The following TNFRSF10B variants were observed in gnomAD, a reference collection of about 807,000 sequenced individuals.
The protein encoded by TNFRSF10B is TNF receptor superfamily member 10b.
TNFRSF10B carries 35 observed loss-of-function variants against 41.4 expected under a neutral mutation model. That is an observed-to-expected ratio of 0.85 (90% CI 0.65 to 1.12). The LOEUF is 1.12. Ranked by LOEUF, TNFRSF10B falls within the 50% of genes most tolerant of loss-of-function variation. The probability of loss-of-function intolerance (pLI) is 0.00; values close to 1 mark genes in which losing one functional copy is unlikely to be tolerated. For synonymous variants in TNFRSF10B, 230 were observed against 215.5 expected (o/e 1.07, Z -0.59); for missense variants, 584 against 552.7 (o/e 1.06, Z -0.57).
At chr8:23,049,673 T>C (rs1168721475) in intron 1 of TNFRSF10B, 8 of 152,256 alleles carry the variant, frequency 5.3e-5, no homozygotes, top group Non-Finnish European at 1.5e-5. Context: ...TTTGAGTTGG[T>C]CTGGTGATAA....
intron 1 of TNFRSF10B, among the ~76,000 whole-genome samples, chr8:23,066,378 T>C (rs949227918): frequency 3.3e-5 from 5 of 152,094 alleles, no homozygotes; most frequent in African/African-American, 9.7e-5. Flanking sequence ...ATATCTGATA[T>C]ACAGTAGATG....
rs201140104 is a variant in TNFRSF10B at position 23,030,750 on chromosome 8, G to A, written c.364+9C>T. On this transcript the variant is annotated intron_variant, in intron 3 of 8. Coordinates refer to ENST00000276431, the MANE Select transcript of TNFRSF10B (RefSeq NM_003842.5). Reference sequence around the variant, plus strand: ...CCACCTTTAGGCATGGGGTCCATATGTTCTGTACCTGAATCACACCTGGTG... The same window carrying A: ...CCACCTTTAGGCATGGGGTCCATATATTCTGTACCTGAATCACACCTGGTG... The A allele has an allele frequency of 8.7e-5, 140 of 1,605,772 alleles. 1 individual carries two copies. In the African/African-American group the frequency reaches 1.6e-3, roughly 18 times the overall value.
At chr8:23,051,057 GA>G (rs1222147960) in intron 1 of TNFRSF10B, among the ~76,000 whole-genome samples, 1 of 152,224 alleles carries the variant, frequency 6.6e-6, no homozygotes, top group Non-Finnish European at 1.5e-5. Context: ...CTAGGCAGTA[GA>G]GGGAGACTGA....
At chr8:23,049,117 G>C (rs187095581) in intron 1 of TNFRSF10B, among the ~76,000 whole-genome samples, 1 of 152,128 alleles carries the variant, frequency 6.6e-6, no homozygotes, top group Non-Finnish European at 1.5e-5. Flanking sequence ...CTGTTGGTGG[G>C]AATGTAAAAC....
chr8:23,045,537 A>T (rs988956242), intron 1 of TNFRSF10B, among the ~76,000 whole-genome samples: 4 of 152,196 alleles, frequency 2.6e-5, no homozygotes, highest in African/African-American at 9.7e-5. Flanking sequence ...ATCCTTTCTA[A>T]ACTTTCCCAA....
intron 1 of TNFRSF10B, among the ~76,000 whole-genome samples, chr8:23,044,622 G>C (rs552264982): frequency 1.4e-4 from 22 of 152,178 alleles, no homozygotes; most frequent in African/African-American, 5.1e-4. Context: ...CCAAATGTAT[G>C]GGATGCAGCA....
intron 2 of TNFRSF10B, among the ~76,000 whole-genome samples, chr8:23,035,425 A>G (rs917642480): frequency 6.6e-5 from 10 of 152,178 alleles, no homozygotes; most frequent in African/African-American, 2.2e-4. Context: ...TACAGGCGCG[A>G]GCCACCACAT....
chr8:23,041,560 T>C (rs946164317), intron 2 of TNFRSF10B, among the ~76,000 whole-genome samples: 1 of 148,662 alleles, frequency 6.7e-6, no homozygotes, highest in African/African-American at 2.5e-5. Flanking sequence ...TCAATCAATG[T>C]ATAATTTCCC....
chr8:23,063,769 A>G (rs764947311), intron 1 of TNFRSF10B, among the ~76,000 whole-genome samples: 67 of 152,174 alleles, frequency 4.4e-4, no homozygotes, highest in Non-Finnish European at 4.7e-4. Flanking sequence ...CCACTGGGTG[A>G]ACAATGATCT....
chr8:23,054,976 CAA>C (rs552367912), intron 1 of TNFRSF10B, among the ~76,000 whole-genome samples: 103 of 152,152 alleles, frequency 6.8e-4, no homozygotes, highest in African/African-American at 2.2e-3. Context: ...AAATGGGAAA[CAA>C]GAGAGAAAAA....
chr8:23,025,356 T>A, intron 7 of TNFRSF10B, among the ~76,000 whole-genome samples: 1 of 152,210 alleles, frequency 6.6e-6, no homozygotes, highest in East Asian at 1.9e-4. Context: ...TGAAAGGATG[T>A]CAATCATTCC....
chr8:23,051,180 C>G (rs1812511447), intron 1 of TNFRSF10B, among the ~76,000 whole-genome samples: 1 of 147,602 alleles, frequency 6.8e-6, no homozygotes, highest in African/African-American at 2.5e-5. Context: ...CAAAAGAGGT[C>G]TAATTAAATG....
chr8:23,065,926 T>G (rs1281882544), intron 1 of TNFRSF10B, among the ~76,000 whole-genome samples: 1 of 151,934 alleles, frequency 6.6e-6, no homozygotes, highest in African/African-American at 2.4e-5. Flanking sequence ...TTAAAACAGG[T>G]CATCTAAAGC....
chr8:23,021,799 G>A lies in TNFRSF10B; in HGVS notation c.*872C>T, dbSNP rs571222984. The A allele has an allele frequency of 5.1e-5, 23 of 454,106 alleles. No individual in the cohort carries two copies. The highest frequency in any genetic ancestry group is 4.6e-4 in the African/African-American group (23 of 50,112). 28.1% of individuals were successfully genotyped at this position (454,106 alleles called of 1,614,324 possible). On this transcript the variant is annotated 3_prime_UTR_variant, in exon 9 of 9. Coordinates refer to ENST00000276431, the MANE Select transcript of TNFRSF10B (RefSeq NM_003842.5). ...TTGAAGCCAAAGTACATCTGAGGGA[G>A]GGCTGGAACCCAGACAGTGACATCT...
chr8:23,041,577 G>T (rs181074843), intron 2 of TNFRSF10B, among the ~76,000 whole-genome samples: 1 of 141,278 alleles, frequency 7.1e-6, no homozygotes, highest in East Asian at 2.1e-4. Flanking sequence ...TCCCTAATCT[G>T]TAAGAATTCA....
At chr8:23,055,037 G>T (rs535554029) in intron 1 of TNFRSF10B, among the ~76,000 whole-genome samples, 1 of 152,042 alleles carries the variant, frequency 6.6e-6, no homozygotes, top group East Asian at 1.9e-4. Context: ...AGTCTTCCTC[G>T]ATGTTTTTCA....
intron 3 of TNFRSF10B, 132 bp from the exon 4 acceptor site, chr8:23,029,853 C>T: frequency 3.7e-6 from 3 of 803,264 alleles, no homozygotes; most frequent in African/African-American, 1.7e-5. Flanking sequence ...GTTTCTGCAC[C>T]AGCACACTCA....
intron 1 of TNFRSF10B, among the ~76,000 whole-genome samples, chr8:23,052,802 CTTCT>C (rs542337113): frequency 8.6e-4 from 131 of 152,280 alleles, no homozygotes; most frequent in Middle Eastern, 3.4e-3. Context: ...TCATAAAATG[CTTCT>C]TTGACTTAAA....
In TNFRSF10B at chr8:23,068,836, G is replaced by A. The variant is rs779936522; in HGVS notation, c.59C>T (p.Pro20Leu). 6.2e-6 allele frequency: 10 copies of A among 1,613,006 alleles called. No homozygotes were observed. In the South Asian group the frequency reaches 1.1e-4, roughly 18 times the overall value. Reference protein sequence around the residue: ...AASGARKRHGPGPREARGARP... With the variant: ...AASGARKRHGLGPREARGARP... The stretch of plus-strand genomic sequence containing the variant: ...GGCTCCCCGCGCCTCCCTGGGTCCT[G>A]GGCCGTGCCTTTTCCGGGCCCCCGA... The change falls in exon 1 of 9, where the codon CCA becomes CTA. Residue 20 changes from proline (P) to leucine (L), a missense_variant. Pro to Leu is a moderately conservative substitution (Grantham distance 98). Transcript: ENST00000276431.
Sources: allele counts gnomAD v4.1 joint callset (sites outside exome capture counted in the v4.1 genomes callset), GRCh38; gene constraint gnomAD v4.1.1; transcripts MANE v1.5; gene names NCBI Gene and HGNC (gene_info 2026-07-23, HGNC 2026-07-21).